CPA6: variants seen among roughly 807,000 people sequenced by gnomAD.
CPA6 encodes carboxypeptidase B.
In CPA6, 58 loss-of-function variants were observed where a neutral mutation model predicts 63.3. The ratio of observed to expected loss-of-function variants is 0.92; its 90% confidence interval spans 0.74 to 1.14. CPA6 has a LOEUF of 1.14. Among genes scored for constraint, CPA6 ranks in the 50% most tolerant of loss-of-function variants. The probability of loss-of-function intolerance (pLI) is 0.00; values close to 1 mark genes in which losing one functional copy is unlikely to be tolerated. For synonymous variants in CPA6, 185 were observed against 179.0 expected (o/e 1.03, Z -0.27); for missense variants, 565 against 526.6 (o/e 1.07, Z -0.71).
At chr8:67,586,502 C>T (rs1346241598) in intron 2 of CPA6, among the ~76,000 whole-genome samples, 1 of 152,086 alleles carries the variant, frequency 6.6e-6, no homozygotes, top group Non-Finnish European at 1.5e-5. Context: ...AGGTAGGGAT[C>T]CTACTAGTGT....
intron 8 of CPA6, among the ~76,000 whole-genome samples, chr8:67,463,985 G>A (rs376725931): frequency 3.2e-4 from 48 of 152,280 alleles, no homozygotes; most frequent in South Asian, 2.3e-3. Context: ...ACACGCGAGC[G>A]CATGTGTCTT....
intron 8 of CPA6, among the ~76,000 whole-genome samples, chr8:67,482,913 A>G (rs989416855): frequency 1.3e-5 from 2 of 152,216 alleles, no homozygotes; most frequent in Non-Finnish European, 2.9e-5. Flanking sequence ...AAGGAATCAA[A>G]GCCCACGCCC....
intron 1 of CPA6, among the ~76,000 whole-genome samples, chr8:67,691,837 G>A (rs1243066025): frequency 6.6e-6 from 1 of 151,648 alleles, no homozygotes; most frequent in African/African-American, 2.4e-5. Context: ...TTTAGAAGGG[G>A]GATAGTGCTT....
At chr8:67,732,137 A>C (rs1301706730) in intron 1 of CPA6, among the ~76,000 whole-genome samples, 2 of 152,194 alleles carry the variant, frequency 1.3e-5, no homozygotes, top group Non-Finnish European at 2.9e-5. Context: ...TCTGAGGCCA[A>C]CTTTGGATAA....
intron 6 of CPA6, among the ~76,000 whole-genome samples, chr8:67,487,554 T>C (rs1811507542): frequency 6.6e-6 from 1 of 152,210 alleles, no homozygotes; most frequent in African/African-American, 2.4e-5. Context: ...TTTATAATCC[T>C]TTGGTTATAT....
chr8:67,738,870 A>G (rs1297372295), intron 1 of CPA6, among the ~76,000 whole-genome samples: 1 of 152,244 alleles, frequency 6.6e-6, no homozygotes. Flanking sequence ...CTGATTGATC[A>G]TAATGAAAAC....
intron 1 of CPA6, among the ~76,000 whole-genome samples, chr8:67,740,756 A>G (rs1401438433): frequency 6.6e-6 from 1 of 151,950 alleles, no homozygotes; most frequent in Admixed American, 6.6e-5. Flanking sequence ...TTTTAGTAGA[A>G]ACAGGGTTTT....
intron 2 of CPA6, among the ~76,000 whole-genome samples, chr8:67,523,951 T>C (rs1188613740): frequency 6.6e-6 from 1 of 152,232 alleles, no homozygotes; most frequent in East Asian, 1.9e-4. Flanking sequence ...TGGAAAAGGG[T>C]TAGGCAGGGC....
chr8:67,644,311 C>G (rs61546392), intron 1 of CPA6, among the ~76,000 whole-genome samples: 15,138 of 151,942 alleles, frequency 0.1, 871 homozygotes, highest in South Asian at 0.16. Context: ...GTAGAGACGG[C>G]GTTTCACCAT....
At chr8:67,533,479 A>G (rs1471316533) in intron 2 of CPA6, among the ~76,000 whole-genome samples, 1 of 152,218 alleles carries the variant, frequency 6.6e-6, no homozygotes, top group Non-Finnish European at 1.5e-5. Flanking sequence ...ATAACTAATG[A>G]ATGAGTGAAT....
At chr8:67,473,736 C>G (rs546226662) in intron 8 of CPA6, among the ~76,000 whole-genome samples, 2 of 152,148 alleles carry the variant, frequency 1.3e-5, no homozygotes, top group Non-Finnish European at 2.9e-5. Context: ...TCCTGAATAA[C>G]TGGGATTACA....
intron 8 of CPA6, among the ~76,000 whole-genome samples, chr8:67,434,953 GAGAGCCTTGACCC>G (rs1479626910): frequency 6.6e-6 from 1 of 152,230 alleles, no homozygotes; most frequent in Non-Finnish European, 1.5e-5. Context: ...CCAGACCCTG[GAGAGCCTTGACCC>G]AGAGCCTGTG....
intron 2 of CPA6, among the ~76,000 whole-genome samples, chr8:67,599,087 T>C (rs930608517): frequency 2.0e-5 from 3 of 152,222 alleles, no homozygotes; most frequent in Non-Finnish European, 1.5e-5. Flanking sequence ...GGATTCATTA[T>C]GGAATGAATG....
At chr8:67,660,322 GTTTTTTTTTTT>G (rs869189030) in intron 1 of CPA6, among the ~76,000 whole-genome samples, 1 of 73,906 alleles carries the variant, frequency 1.4e-5, no homozygotes, top group East Asian at 4.1e-4. Flanking sequence ...ATTATTGCAG[GTTTTTTTTTTT>G]TTTTTTTTTT....
chr8:67,693,187 G>C (rs1991241), intron 1 of CPA6, among the ~76,000 whole-genome samples: 38 of 152,272 alleles, frequency 2.5e-4, no homozygotes, highest in African/African-American at 8.4e-4. Context: ...GTGTGACCTA[G>C]GACCATTGTT....
intron 2 of CPA6, among the ~76,000 whole-genome samples, chr8:67,599,910 T>G (rs1469643018): frequency 6.6e-6 from 1 of 152,120 alleles, no homozygotes; most frequent in African/African-American, 2.4e-5. Context: ...GTATAAAATA[T>G]TTCTTAATCT....
chr8:67,672,780 G>A (rs1188861082), intron 1 of CPA6, among the ~76,000 whole-genome samples: 1 of 152,158 alleles, frequency 6.6e-6, no homozygotes. Context: ...ACAAAATGAT[G>A]TTTTGCTTTT....
chr8:67,745,744 C>A (rs567880480), intron 1 of CPA6, among the ~76,000 whole-genome samples: 1 of 152,280 alleles, frequency 6.6e-6, no homozygotes, highest in African/African-American at 2.4e-5. Flanking sequence ...CATGGCTACT[C>A]CAAAGACAGA....
At chr8:67,450,605 G>A (rs1362432255) in intron 8 of CPA6, among the ~76,000 whole-genome samples, 3 of 152,198 alleles carry the variant, frequency 2.0e-5, no homozygotes, top group African/African-American at 7.2e-5. Context: ...ATTTTGTACT[G>A]AAAACAGGAC....
Sources: gnomAD v4.1 joint callset for allele counts (sites outside exome capture counted in the v4.1 genomes callset) on GRCh38, gnomAD v4.1.1 for gene constraint, MANE v1.5 for transcripts, NCBI Gene and HGNC (gene_info 2026-07-23, HGNC 2026-07-21) for gene names.